Variants in EML1 observed in about 807,000 individuals in gnomAD.
EML1 encodes echinoderm microtubule-associated protein-like 1.
A neutral mutation model predicts 110.4 loss-of-function variants in EML1; 27 were observed. That is an observed-to-expected ratio of 0.24 (90% CI 0.18 to 0.34). The LOEUF (loss-of-function observed/expected upper bound fraction) is 0.34, where lower values mean the gene tolerates loss of function less well. Ranked by LOEUF, EML1 falls within the 10% of genes least tolerant of loss-of-function variation. The pLI is 1.00. For synonymous variants in EML1, 344 were observed against 385.8 expected, an observed-to-expected ratio of 0.89 and a Z score of 1.27; for missense variants, 741 against 1,030.9, an observed-to-expected ratio of 0.72 and a Z score of 3.85.
At chr14:99,849,927 T>C (rs2058765680) in intron 1 of EML1, among the ~76,000 whole-genome samples, 1 of 150,102 alleles carries the variant, frequency 6.7e-6, no homozygotes, top group Non-Finnish European at 1.5e-5. Context: ...GCCACTGCGC[T>C]CCAGCCTGGG....
intron 1 of EML1, among the ~76,000 whole-genome samples, chr14:99,741,477 A>G (rs1335600327): frequency 6.6e-6 from 1 of 152,038 alleles, no homozygotes; most frequent in Non-Finnish European, 1.5e-5. Context: ...AAGGCCCCCA[A>G]GTACTTGGCT....
chr14:99,919,136 G>T (rs2060083781), intron 16 of EML1, among the ~76,000 whole-genome samples: 1 of 152,106 alleles, frequency 6.6e-6, no homozygotes, highest in Non-Finnish European at 1.5e-5. Context: ...GCACTGCAGG[G>T]GTTATTATTA....
At chr14:99,762,348 C>A (rs1165941062) in intron 1 of EML1, among the ~76,000 whole-genome samples, 1 of 148,262 alleles carries the variant, frequency 6.7e-6, no homozygotes, top group Non-Finnish European at 1.5e-5. Context: ...GTATAACCAG[C>A]CCCCTGAACA....
intron 1 of EML1, among the ~76,000 whole-genome samples, chr14:99,818,088 A>G (rs1175587105): frequency 6.6e-6 from 1 of 152,072 alleles, no homozygotes; most frequent in Non-Finnish European, 1.5e-5. Context: ...CAAATAGTTC[A>G]GTAGGGCTGC....
At chr14:99,760,956 C>T (rs968715638) in intron 1 of EML1, among the ~76,000 whole-genome samples, 18 of 151,994 alleles carry the variant, frequency 1.2e-4, no homozygotes, top group African/African-American at 3.9e-4. Flanking sequence ...CACAGGCAAG[C>T]GGGGAGAAAG....
At chr14:99,755,034 C>CA (rs1221359292) in intron 1 of EML1, among the ~76,000 whole-genome samples, 1 of 152,262 alleles carries the variant, frequency 6.6e-6, no homozygotes, top group Non-Finnish European at 1.5e-5. Flanking sequence ...CAGCATCCTA[C>CA]ACGGGGCAGG....
Position 99,917,804 on chromosome 14 carries a change from T to C in EML1, c.1775T>C (p.Phe592Ser). The part of the protein sequence containing the change: ...IIEDPAQSSG[F>S]HPSGSVVAVG... The stretch of plus-strand genomic sequence containing the variant: ...TAGGATCCAGCTCAGTCTTCTGGTT[T>C]TCATCCTTCAGGGTCTGTGGTTGCA... Residue 592 changes from phenylalanine (F) to serine (S), a missense_variant, in exon 16 of 22, where the codon TTT becomes TCT. Around this residue, in one of 4 missense-constraint regions of EML1, gnomAD observed 388 missense variants for 605.6 expected, o/e 0.64. Coordinates refer to ENST00000262233, the MANE Select transcript of EML1 (RefSeq NM_004434.3). 6.2e-7 allele frequency: 1 copy of C among 1,614,180 alleles called. No individual in the cohort carries two copies. The highest frequency in any genetic ancestry group is 8.5e-7 in the Non-Finnish European group (1 of 1,180,042).
At chr14:99,891,303 C>A in intron 5 of EML1, 76 bp downstream of exon 5, 1 of 1,589,604 alleles carries the variant, frequency 6.3e-7, no homozygotes, top group South Asian at 1.1e-5. Flanking sequence ...AAGAAGTAGC[C>A]AGCTTCAGGG....
At chr14:99,746,803 C>T (rs1309111300) in intron 1 of EML1, among the ~76,000 whole-genome samples, 1 of 152,176 alleles carries the variant, frequency 6.6e-6, no homozygotes, top group Non-Finnish European at 1.5e-5. Context: ...GGCATAGAGC[C>T]TTGTCCTGTG....
upstream of EML1, among the ~76,000 whole-genome samples, chr14:99,768,896 T>G (rs1175269175): frequency 6.6e-6 from 1 of 152,058 alleles, no homozygotes; most frequent in Non-Finnish European, 1.5e-5. Flanking sequence ...TTTTGTATTT[T>G]TAGTAGAGTT....
chr14:99,765,346 A>G (rs1370522929), intron 1 of EML1, among the ~76,000 whole-genome samples: 1 of 151,980 alleles, frequency 6.6e-6, no homozygotes, highest in Non-Finnish European at 1.5e-5. Context: ...CATCTTGCCA[A>G]GCGGAAACTC....
At chr14:99,761,746 G>C (rs761078013) in intron 1 of EML1, among the ~76,000 whole-genome samples, 5 of 152,008 alleles carry the variant, frequency 3.3e-5, no homozygotes, top group Non-Finnish European at 5.9e-5. Context: ...CCAACATGGC[G>C]AAACCCTGTC....
chr14:99,853,838 T>G (rs1566899693), intron 2 of EML1, among the ~76,000 whole-genome samples: 4 of 152,008 alleles, frequency 2.6e-5, no homozygotes, highest in Admixed American at 6.5e-5. Flanking sequence ...CCTGCTAATT[T>G]TTTTGTATTT....
At chr14:99,828,590 A>C (rs2058398564) in intron 1 of EML1, among the ~76,000 whole-genome samples, 1 of 152,112 alleles carries the variant, frequency 6.6e-6, no homozygotes, top group Non-Finnish European at 1.5e-5. Context: ...ATCATAGGTC[A>C]CCATAGGTAT....
chr14:99,784,869 T>A lies in EML1; in HGVS notation c.-27+10856T>A, dbSNP rs930057275. Reference sequence around the variant, plus strand: ...AGCTCACAGACTGAGTGGAAAGACATTTCCAACAGCAGGAATCTCACAACC... The same window carrying A: ...AGCTCACAGACTGAGTGGAAAGACAATTCCAACAGCAGGAATCTCACAACC... On this transcript the variant is annotated intron_variant, in intron 1 of 22. Transcript: ENST00000327921. This position sits in a 1 kb window ranked among gnomAD's most constrained non-coding sequence, Gnocchi z 4.5. Among the ~76,000 whole-genome samples the A allele has an allele frequency of 6.6e-6, 1 of 152,170 alleles. No individual in the cohort carries two copies. Among genetic ancestry groups the A allele is most frequent in the African/African-American group, 2.4e-5 (1 of 41,442 alleles).
intron 1 of EML1, among the ~76,000 whole-genome samples, chr14:99,753,322 CAATTAAG>C (rs1265919352): frequency 6.6e-6 from 1 of 151,472 alleles, no homozygotes; most frequent in Admixed American, 6.6e-5. Flanking sequence ...GTCCTCATTG[CAATTAAG>C]TCCGAACCTC....
At chr14:99,775,788 A>T (rs1308165998) in intron 1 of EML1, among the ~76,000 whole-genome samples, 1 of 152,202 alleles carries the variant, frequency 6.6e-6, no homozygotes, top group African/African-American at 2.4e-5. Context: ...TATGCATATA[A>T]CTTATTAGCC....
intron 2 of EML1, among the ~76,000 whole-genome samples, chr14:99,859,081 G>A (rs2058956015): frequency 6.6e-6 from 1 of 152,162 alleles, no homozygotes; most frequent in African/African-American, 2.4e-5. Flanking sequence ...CATATCAACT[G>A]TAGTTTTGAA....
intron 1 of EML1, among the ~76,000 whole-genome samples, chr14:99,849,427 T>C (rs1254539101): frequency 1.3e-5 from 2 of 152,154 alleles, no homozygotes; most frequent in Admixed American, 6.6e-5. Context: ...AGTTTGACTA[T>C]AATGTACCTT....
Sources: gnomAD v4.1 joint callset for allele counts (sites outside exome capture counted in the v4.1 genomes callset) on GRCh38, gnomAD v4.1.1 for gene constraint, gnomAD v4.1.1 regional missense constraint, Gnocchi (gnomAD v3.1) non-coding constraint, MANE v1.5 for transcripts, NCBI Gene and HGNC (gene_info 2026-07-23, HGNC 2026-07-21) for gene names.